The following SLIT3 variants were observed in gnomAD, a reference collection of about 807,000 sequenced individuals.
SLIT3 encodes the protein slit homolog 3 protein.
A neutral mutation model predicts 184.0 loss-of-function variants in SLIT3; 68 were observed. The observed-to-expected ratio is 0.37, with a 90% confidence interval of 0.30 to 0.45. The LOEUF (loss-of-function observed/expected upper bound fraction) is 0.45. SLIT3 is among the 20% of genes least tolerant of loss of function. The pLI is 1.00. For missense variants in SLIT3, 1,707 were observed against 2,026.0 expected (o/e 0.84, Z 3.02); for synonymous variants, 831 against 828.6 (o/e 1.00, Z -0.05).
At chr5:168,935,578 C>T (rs561083273) in intron 4 of SLIT3, among the ~76,000 whole-genome samples, 10 of 152,142 alleles carry the variant, frequency 6.6e-5, no homozygotes, top group Non-Finnish European at 8.8e-5. Flanking sequence ...TTGGTCATGA[C>T]GCCACACTGA....
chr5:169,129,377 C>T (rs927484320), intron 4 of SLIT3, among the ~76,000 whole-genome samples: 1 of 152,048 alleles, frequency 6.6e-6, no homozygotes, highest in African/African-American at 2.4e-5. Flanking sequence ...CATGGTGAAA[C>T]CCTGTCTCTA....
At chr5:168,779,556 G>A (rs1755894494) in intron 12 of SLIT3, among the ~76,000 whole-genome samples, 1 of 152,158 alleles carries the variant, frequency 6.6e-6, no homozygotes, top group Non-Finnish European at 1.5e-5. Flanking sequence ...ATGTCAAGAG[G>A]TATTAGCACT....
intron 4 of SLIT3, among the ~76,000 whole-genome samples, chr5:169,077,266 G>T (rs1035869007): frequency 6.6e-6 from 1 of 152,050 alleles, no homozygotes; most frequent in Admixed American, 6.5e-5. Context: ...GGCCGGGCGC[G>T]GTGGCTCACA....
intron 4 of SLIT3, among the ~76,000 whole-genome samples, chr5:169,042,681 T>C (rs1314970228): frequency 2.6e-5 from 4 of 152,192 alleles, no homozygotes; most frequent in Non-Finnish European, 5.9e-5. Context: ...CCTTATATAT[T>C]ACAGTCACAT....
intron 9 of SLIT3, among the ~76,000 whole-genome samples, chr5:168,801,178 C>G (rs1387696718): frequency 3.3e-5 from 5 of 152,168 alleles, no homozygotes; most frequent in Admixed American, 2.6e-4. Flanking sequence ...TCCCATCCCA[C>G]CCTATCACCC....
At chr5:169,045,508 C>T (rs1425597313) in intron 4 of SLIT3, among the ~76,000 whole-genome samples, 2 of 151,616 alleles carry the variant, frequency 1.3e-5, no homozygotes, top group African/African-American at 2.4e-5. Flanking sequence ...GGTGCACCAT[C>T]CACACTTTCC....
chr5:168,667,737 C>T (rs1312460301), intron 35 of SLIT3: 1 of 152,202 alleles, frequency 6.6e-6, no homozygotes, highest in Non-Finnish European at 1.5e-5. Flanking sequence ...TTACGGGCAC[C>T]AGAGGCGATT....
intron 4 of SLIT3, among the ~76,000 whole-genome samples, chr5:169,123,327 A>G (rs1760952661): frequency 6.6e-6 from 1 of 152,180 alleles, no homozygotes; most frequent in Non-Finnish European, 1.5e-5. Context: ...GATGGGGACA[A>G]AGCCCACCTC....
intron 6 of SLIT3, 40 bp downstream of exon 6, chr5:168,844,532 CATACACACACAT>C: frequency 6.6e-7 from 1 of 1,520,748 alleles, no homozygotes; most frequent in Non-Finnish European, 9.1e-7. Context: ...GACACACACA[CATACACACACAT>C]GCACGCACAC....
At chr5:168,781,439 T>C (rs1184588964) in intron 12 of SLIT3, among the ~76,000 whole-genome samples, 1 of 152,106 alleles carries the variant, frequency 6.6e-6, no homozygotes, top group African/African-American at 2.4e-5. Flanking sequence ...AGAATTTAAG[T>C]CTACCCAATG....
chr5:169,265,156 A>AAAACAAACAAAC lies in SLIT3; in HGVS notation c.198-13709_198-13698dup, dbSNP rs35338338. 3.8e-3 allele frequency among the ~76,000 whole-genome samples: 575 copies of AAAACAAACAAAC among 151,028 alleles called. 12 individuals are homozygous for AAAACAAACAAAC. In the East Asian group the frequency reaches 0.065, roughly 17 times the overall value. ...TTTGCTCAGTTCAGCTCCATGCTCAAAAACAAACAAACAAACAAACAAACA... is the reference window on the plus strand; with the variant it reads ...TTTGCTCAGTTCAGCTCCATGCTCAAAAACAAACAAACAAACAAACAAACAAACAAACAAACA... On this transcript the variant is annotated intron_variant, in intron 1 of 35. Coordinates refer to ENST00000519560, the MANE Select transcript of SLIT3 (RefSeq NM_003062.4).
intron 4 of SLIT3, among the ~76,000 whole-genome samples, chr5:169,179,849 C>A (rs1299708647): frequency 2.0e-5 from 3 of 152,096 alleles, no homozygotes; most frequent in African/African-American, 4.8e-5. Context: ...CTCTCATTTG[C>A]TCATTTCCAG....
At chr5:168,946,760 T>C (rs74893978) in intron 4 of SLIT3, among the ~76,000 whole-genome samples, 5,205 of 152,188 alleles carry the variant, frequency 0.034, 130 homozygotes, top group African/African-American at 0.064. Context: ...CATCCCTCAT[T>C]CTCACCCCTT....
chr5:169,241,534 C>T (rs374312535), intron 3 of SLIT3, among the ~76,000 whole-genome samples: 13 of 152,254 alleles, frequency 8.5e-5, no homozygotes, highest in African/African-American at 2.6e-4. Context: ...AAAAATGTAT[C>T]TAAACATTAC....
intron 4 of SLIT3, among the ~76,000 whole-genome samples, chr5:168,991,653 T>A (rs1755335614): frequency 6.6e-6 from 1 of 152,188 alleles, no homozygotes. Context: ...GCCTCCCCCT[T>A]CTCTCAGAGG....
chr5:169,174,348 C>T (rs4868340), intron 4 of SLIT3, among the ~76,000 whole-genome samples: 14,387 of 152,202 alleles, frequency 0.095, 838 homozygotes, highest in South Asian at 0.15. Context: ...ACAGCCCCTG[C>T]GATAATTCCT....
intron 4 of SLIT3, among the ~76,000 whole-genome samples, chr5:168,893,553 T>C (rs945751559): frequency 5.9e-5 from 9 of 152,136 alleles, no homozygotes; most frequent in Admixed American, 2.0e-4. Flanking sequence ...TGTAAATCGA[T>C]CCTTTGGCCC....
intron 30 of SLIT3, 102 bp from the exon 31 acceptor site, chr5:168,686,029 G>T (rs1332698274): frequency 5.3e-6 from 7 of 1,313,446 alleles, no homozygotes; most frequent in Admixed American, 2.7e-5. Context: ...GGTAGAGTGA[G>T]ATGGGAAATG....
chr5:169,184,553 G>A (rs1034080192), intron 4 of SLIT3, among the ~76,000 whole-genome samples: 1 of 152,194 alleles, frequency 6.6e-6, no homozygotes, highest in African/African-American at 2.4e-5. Flanking sequence ...TGAGATCGAT[G>A]TTTCTTAAAG....
Sources: allele counts gnomAD v4.1 joint callset (sites outside exome capture counted in the v4.1 genomes callset), GRCh38; gene constraint gnomAD v4.1.1; transcripts MANE v1.5; gene names NCBI Gene and HGNC (gene_info 2026-07-23, HGNC 2026-07-21).